The following OC90 variants were observed in gnomAD, a reference collection of about 807,000 sequenced individuals.
OC90 encodes the protein otoconin 90.
OC90 carries 46 observed loss-of-function variants against 47.3 expected under a neutral mutation model. That is an observed-to-expected ratio of 0.97 (90% CI 0.77 to 1.24). The LOEUF is 1.24. OC90 is among the 50% of genes most tolerant of loss of function. The pLI is 0.00. For missense variants in OC90, 688 were observed against 583.9 expected (o/e 1.18, Z -1.84); for synonymous variants, 271 against 219.5 (o/e 1.23, Z -2.07).
At chr8:132,035,079 A>C (rs1822937567) in intron 9 of OC90, among the ~76,000 whole-genome samples, 1 of 152,224 alleles carries the variant, frequency 6.6e-6, no homozygotes, top group Non-Finnish European at 1.5e-5. Flanking sequence ...GCTGGAAGCA[A>C]GTGAGTTAGT....
rs764706998 is a variant in OC90, at chr8:132,037,436, A to T, written c.679+2T>A. On this transcript the variant is annotated splice_donor_variant, in intron 9 of 13. Coordinates refer to ENST00000254627, the MANE Select transcript of OC90 (RefSeq NM_001080399.3). LOFTEE classifies it high-confidence loss of function. ...GTTCCACACTAGCCCCTTCTGGCTC[A>T]CCTTCTCCTGAAAGGGCTGTCAGGC... 1 of 1,581,100 alleles carries T rather than the reference A, an allele frequency of 6.3e-7. No individual in the cohort carries two copies. Among genetic ancestry groups the T allele is most frequent in the East Asian group, 2.3e-5 (1 of 43,580 alleles).
At chr8:132,056,473 A>G (rs1051242455) in intron 1 of OC90, among the ~76,000 whole-genome samples, 3 of 152,202 alleles carry the variant, frequency 2.0e-5, no homozygotes, top group Non-Finnish European at 4.4e-5. Flanking sequence ...TAAAAAGGGT[A>G]GAGTGTGAGT....
At chr8:132,044,686 G>C (rs924129180) in intron 3 of OC90, among the ~76,000 whole-genome samples, 197 bp from the exon 4 acceptor site, 2 of 152,072 alleles carry the variant, frequency 1.3e-5, no homozygotes, top group African/African-American at 4.8e-5. Context: ...TCCATTACTG[G>C]GTAGCATTGC....
At chr8:132,048,086 C>T (rs1439453347) in intron 2 of OC90, among the ~76,000 whole-genome samples, 1 of 152,206 alleles carries the variant, frequency 6.6e-6, no homozygotes, top group Non-Finnish European at 1.5e-5. Context: ...AGAAGGCCCT[C>T]ACCAGACACT....
chr8:132,030,204 T>C (rs544529122), intron 12 of OC90, among the ~76,000 whole-genome samples: 11 of 152,296 alleles, frequency 7.2e-5, no homozygotes, highest in African/African-American at 2.6e-4. Context: ...CTAAAGTCAG[T>C]GAGTGGATCA....
chr8:132,041,496 G>A (rs766991290), intron 5 of OC90, 29 bp downstream of exon 5: 6 of 1,576,346 alleles, frequency 3.8e-6, no homozygotes, highest in Non-Finnish European at 5.2e-6. Context: ...CACTTTTTTT[G>A]GTCTTGCTCA....
chr8:132,054,866 G>C (rs1823261250), intron 2 of OC90, 115 bp downstream of exon 2: 1 of 600,332 alleles, frequency 1.7e-6, no homozygotes, highest in Non-Finnish European at 2.8e-6. Context: ...GAAAGATAAG[G>C]ACATTTAAAA....
At position 132,034,823 on chromosome 8, in the gene OC90, C is replaced by T. The variant is rs138130739; in HGVS notation, c.691G>A (p.Asp231Asn). The T allele has an allele frequency of 3.3e-4, 526 of 1,612,882 alleles. 2 individuals are homozygous for T. The African/African-American group carries it at 5.2e-3, about 16-fold the overall frequency. ...TALSGEEAGHDQEGVGAARAT... is the reference protein window; with the variant it reads ...TALSGEEAGHNQEGVGAARAT... ...CTAGCAGCTCCCACTCCTTCCTGAT[C>T]GTGGCCTGCTTCTGTTCCCCAAAGA... Residue 231 changes from aspartate (D) to asparagine (N), a missense_variant, in exon 10 of 14, where the codon GAT (aspartate) becomes AAT (asparagine). Coordinates refer to ENST00000254627, the MANE Select transcript of OC90 (RefSeq NM_001080399.3).
At chr8:132,056,343 G>T (rs1323120826) in intron 1 of OC90, among the ~76,000 whole-genome samples, 1 of 152,192 alleles carries the variant, frequency 6.6e-6, no homozygotes, top group Non-Finnish European at 1.5e-5. Flanking sequence ...TTGGTATTAG[G>T]GAAAGTGTCC....
intron 2 of OC90, 99 bp downstream of exon 2, chr8:132,054,882 G>A (rs1441783841): frequency 7.3e-6 from 5 of 681,096 alleles, no homozygotes; most frequent in Middle Eastern, 2.6e-4. Flanking sequence ...TAAAAGACAC[G>A]TGGGAAAGAT....
chr8:132,037,022 A>T (rs1204015121), intron 9 of OC90, among the ~76,000 whole-genome samples: 1 of 152,228 alleles, frequency 6.6e-6, no homozygotes, highest in South Asian at 2.1e-4. Flanking sequence ...CCTTTCAGGG[A>T]TTAGTGAATG....
chr8:132,039,749 G>T (rs1167344640), intron 6 of OC90, among the ~76,000 whole-genome samples: 2 of 152,098 alleles, frequency 1.3e-5, no homozygotes, highest in Non-Finnish European at 2.9e-5. Flanking sequence ...CTCAGGGCCA[G>T]TCCCTGAGCT....
chr8:132,034,319 A>G (rs1455960632), intron 10 of OC90, among the ~76,000 whole-genome samples: 2 of 152,236 alleles, frequency 1.3e-5, no homozygotes, highest in South Asian at 2.1e-4. Context: ...TGTTTGAATA[A>G]TCCTTCTAGC....
In OC90 at chr8:132,033,114, C is replaced by A. The variant is rs751617233; in HGVS notation, c.784G>T (p.Val262Phe). The A allele has an allele frequency of 1.9e-6, 3 of 1,608,478 alleles. No individual in the cohort carries two copies. Among genetic ancestry groups the A allele is most frequent in the Non-Finnish European group, 1.7e-6 (2 of 1,177,420 alleles). Residue 262 changes from valine to phenylalanine, a missense_variant, in exon 11 of 14, where the codon GTC becomes TTC. Transcript: ENST00000254627. ...CCCAGAGATTTAATGCCAGCAGGGACAAGGGTTACAATTTTAGCTGTAACC... is the reference window on the plus strand; with the variant it reads ...CCCAGAGATTTAATGCCAGCAGGGAAAAGGGTTACAATTTTAGCTGTAACC... ...TRVTAKIVTL[V>F]PAGIKSLGLA...
At chr8:132,029,570 G>C (rs1194397046) in intron 12 of OC90, among the ~76,000 whole-genome samples, 1 of 152,140 alleles carries the variant, frequency 6.6e-6, no homozygotes, top group Non-Finnish European at 1.5e-5. Context: ...ATATGGGCTA[G>C]CAGTAAGCTT....
intron 2 of OC90, among the ~76,000 whole-genome samples, chr8:132,046,819 C>A (rs537558984): frequency 6.6e-6 from 1 of 152,206 alleles, no homozygotes; most frequent in African/African-American, 2.4e-5. Context: ...CTGAAAGTCA[C>A]AAAGGGCCAT....
chr8:132,033,343 T>C (rs552961067), intron 10 of OC90, among the ~76,000 whole-genome samples, 179 bp from the exon 11 acceptor site: 1 of 152,298 alleles, frequency 6.6e-6, no homozygotes, highest in South Asian at 2.1e-4. Flanking sequence ...AGAATTTCCA[T>C]ATTTTCTATG....
rs1249926187 is a variant in OC90 at position 132,038,775 on chromosome 8, C to A, written c.628+15G>T. ...CCCTTGTGGTTCAAGAGCCACCAACCCTGGGAGGCCTTACCTCTGGGCAGA... is the reference window on the plus strand; with the variant it reads ...CCCTTGTGGTTCAAGAGCCACCAACACTGGGAGGCCTTACCTCTGGGCAGA... On this transcript the variant is annotated intron_variant, in intron 8 of 13. Transcript: ENST00000254627. The A allele has an allele frequency of 6.2e-7, 1 of 1,611,808 alleles. No individual in the cohort carries two copies. The highest frequency in any genetic ancestry group is 8.5e-7 in the Non-Finnish European group (1 of 1,178,312).
intron 9 of OC90, chr8:132,036,244 G>A (rs1359031569): frequency 1.5e-6 from 1 of 660,024 alleles, no homozygotes; most frequent in Non-Finnish European, 2.7e-6. Flanking sequence ...CTGTAAAATG[G>A]GTATAATAAT....
Sources: allele counts gnomAD v4.1 joint callset (sites outside exome capture counted in the v4.1 genomes callset), GRCh38; gene constraint gnomAD v4.1.1; transcripts MANE v1.5; gene names NCBI Gene and HGNC (gene_info 2026-07-23, HGNC 2026-07-21).